The following CNTN6 variants were observed in gnomAD, a reference collection of about 807,000 sequenced individuals.
CNTN6 encodes the protein contactin 6, also known as contactin-6.
A neutral mutation model predicts 122.8 loss-of-function variants in CNTN6; 137 were observed. The observed-to-expected ratio is 1.12, with a 90% CI of 0.97 to 1.29. The LOEUF (loss-of-function observed/expected upper bound fraction) is 1.29. Ranked by LOEUF, CNTN6 falls within the 50% of genes most tolerant of loss-of-function variation. The pLI, the probability that CNTN6 is intolerant of heterozygous loss-of-function variation, is 0.00. For synonymous variants in CNTN6, 570 were observed against 426.0 expected (o/e 1.34, Z -4.16); for missense variants, 1,634 against 1,223.4 (o/e 1.34, Z -5.01).
intron 4 of CNTN6, among the ~76,000 whole-genome samples, chr3:1,230,984 ACCCACAGATATC>A (rs748930366): frequency 8.5e-5 from 13 of 152,144 alleles, no homozygotes; most frequent in Non-Finnish European, 1.6e-4. Flanking sequence ...AGCTATGAAT[ACCCACAGATATC>A]CCTTTTTGCA....
chr3:1,234,479 A>G (rs2094396771), intron 4 of CNTN6, among the ~76,000 whole-genome samples: 1 of 152,162 alleles, frequency 6.6e-6, no homozygotes, highest in African/African-American at 2.4e-5. Flanking sequence ...TAAGAAATAT[A>G]AAAGCAGTTA....
intron 7 of CNTN6, among the ~76,000 whole-genome samples, chr3:1,300,231 C>A (rs1306600533): frequency 6.6e-6 from 1 of 152,074 alleles, no homozygotes; most frequent in Non-Finnish European, 1.5e-5. Flanking sequence ...CGTGATCCGC[C>A]CGACTCAGCC....
At chr3:1,390,914 A>G (rs1403080948) in intron 20 of CNTN6, among the ~76,000 whole-genome samples, 1 of 150,890 alleles carries the variant, frequency 6.6e-6, no homozygotes, top group African/African-American at 2.4e-5. Context: ...GCAATAATCA[A>G]TAGTTTACCA....
intron 20 of CNTN6, among the ~76,000 whole-genome samples, chr3:1,400,088 C>G (rs1467862904): frequency 2.0e-5 from 3 of 152,154 alleles, no homozygotes; most frequent in African/African-American, 7.2e-5. Context: ...CAGCAGTTGA[C>G]TCAAAACTAT....
At chr3:1,221,938 TA>T (rs1172074002) in intron 3 of CNTN6, among the ~76,000 whole-genome samples, 1 of 152,182 alleles carries the variant, frequency 6.6e-6, no homozygotes, top group Non-Finnish European at 1.5e-5. Flanking sequence ...TATTTTGCAG[TA>T]AAAATACACT....
intron 2 of CNTN6, among the ~76,000 whole-genome samples, chr3:1,150,294 C>CT (rs1221573834): frequency 6.6e-6 from 1 of 152,162 alleles, no homozygotes; most frequent in Non-Finnish European, 1.5e-5. Context: ...CCAAAACATA[C>CT]TTTTTATTCA....
chr3:1,174,651 TCTC>T (rs60672276), intron 2 of CNTN6, among the ~76,000 whole-genome samples: 6,738 of 152,198 alleles, frequency 0.044, 475 homozygotes, highest in African/African-American at 0.15. Flanking sequence ...TCCACACTAA[TCTC>T]CTAAAATTTC....
At chr3:1,385,826 G>C (rs1559995672) in intron 20 of CNTN6, 29 bp downstream of exon 20, 13 of 1,562,278 alleles carry the variant, frequency 8.3e-6, no homozygotes, top group Non-Finnish European at 1.1e-5. Context: ...CAGGAAACAA[G>C]ATTCATCTGT....
chr3:1,257,612 T>C (rs1559630954), intron 4 of CNTN6, among the ~76,000 whole-genome samples: 1 of 152,158 alleles, frequency 6.6e-6, no homozygotes, highest in Non-Finnish European at 1.5e-5. Context: ...GAGCCCATTT[T>C]CTACTTCAAA....
chr3:1,388,010 T>C (rs1039267216), intron 20 of CNTN6, among the ~76,000 whole-genome samples: 4 of 152,136 alleles, frequency 2.6e-5, no homozygotes, highest in Admixed American at 6.5e-5. Context: ...TGGCCAGGCT[T>C]GATTAGGTAA....
intron 12 of CNTN6, among the ~76,000 whole-genome samples, chr3:1,353,672 G>A (rs980009): frequency 0.018 from 2,726 of 151,416 alleles, 40 homozygotes; most frequent in Non-Finnish European, 0.027. Context: ...AAATGTGAAT[G>A]CTTTATATTT....
In CNTN6 at chr3:1,401,490, T is replaced by C. The variant is rs1401037053; in HGVS notation, c.2762T>C (p.Leu921Ser). Residue 921 changes from leucine to serine, a missense_variant, in exon 21 of 23, where the codon TTG (leucine) becomes TCG (serine). By Grantham distance (145) the Leu-to-Ser change is moderately radical. Coordinates refer to ENST00000446702, the MANE Select transcript of CNTN6 (RefSeq NM_001289080.2). ...AAGCTGACAAACTCTAAATTATGCT[T>C]GAACTGGGAGCATGTAAAAACCATG... is the stretch of plus-strand genomic sequence containing the variant. ...AWKLTNSKLC[L>S]NWEHVKTMEN... 1.2e-6 allele frequency: 2 copies of C among 1,612,008 alleles called. No homozygotes were observed. Among genetic ancestry groups the C allele is most frequent in the Non-Finnish European group, 1.7e-6 (2 of 1,178,676 alleles).
At chr3:1,238,790 C>T (rs2094449783) in intron 4 of CNTN6, among the ~76,000 whole-genome samples, 1 of 152,070 alleles carries the variant, frequency 6.6e-6, no homozygotes, top group African/African-American at 2.4e-5. Flanking sequence ...CAAAAGGATC[C>T]TTCAAAACCA....
At chr3:1,243,912 A>G (rs6789072) in intron 4 of CNTN6, among the ~76,000 whole-genome samples, 104,640 of 151,778 alleles carry the variant, frequency 0.69, 37,200 homozygotes, top group East Asian at 0.91. Flanking sequence ...GGTTGGGACC[A>G]AGGGGACAGG....
intron 1 of CNTN6, among the ~76,000 whole-genome samples, chr3:1,133,048 C>G (rs573948536): frequency 6.6e-6 from 1 of 152,160 alleles, no homozygotes; most frequent in South Asian, 2.1e-4. Flanking sequence ...ATCATGTATA[C>G]AAGGACACAT....
At chr3:1,336,158 T>A (rs1703032446) in intron 11 of CNTN6, among the ~76,000 whole-genome samples, 1 of 151,594 alleles carries the variant, frequency 6.6e-6, no homozygotes, top group African/African-American at 2.4e-5. Flanking sequence ...TTGCCCAGAT[T>A]TCTTAAAATC....
chr3:1,305,090 T>G (rs431172), intron 7 of CNTN6, among the ~76,000 whole-genome samples: 48,689 of 151,604 alleles, frequency 0.32, 13,396 homozygotes, highest in African/African-American at 0.76. Flanking sequence ...AAAAATCAGG[T>G]TTATACACCT....
At chr3:1,344,706 AAAAT>A (rs1469458300) in intron 11 of CNTN6, among the ~76,000 whole-genome samples, 2 of 152,208 alleles carry the variant, frequency 1.3e-5, no homozygotes, top group African/African-American at 4.8e-5. Context: ...CTCTTCCCTG[AAAAT>A]AAATATTTGT....
intron 20 of CNTN6, among the ~76,000 whole-genome samples, chr3:1,386,196 C>T (rs1233503710): frequency 6.6e-6 from 1 of 151,924 alleles, no homozygotes; most frequent in Non-Finnish European, 1.5e-5. Context: ...AGGTTTTGTT[C>T]AAGATTGAAA....
Sources: allele counts gnomAD v4.1 joint callset (sites outside exome capture counted in the v4.1 genomes callset), GRCh38; gene constraint gnomAD v4.1.1; transcripts MANE v1.5; gene names NCBI Gene and HGNC (gene_info 2026-07-23, HGNC 2026-07-21).